Variants in METTL15 observed in about 807,000 individuals in gnomAD.
METTL15 encodes 12S rRNA N(4)-cytidine methyltransferase METTL15.
Under a neutral mutation model 38.3 loss-of-function variants are expected in METTL15, and 34 were observed. The ratio of observed to expected loss-of-function variants is 0.89; its 90% CI spans 0.68 to 1.18. The LOEUF is 1.18. Among genes scored for constraint, METTL15 ranks in the 50% most tolerant of loss-of-function variants. The pLI, the probability that METTL15 is intolerant of heterozygous loss-of-function variation, is 0.00. For synonymous variants in METTL15, 162 were observed against 170.9 expected, an observed-to-expected ratio of 0.95 and a Z score of 0.41; for missense variants, 438 against 498.4, an observed-to-expected ratio of 0.88 and a Z score of 1.15.
chr11:28,131,352 A>G (rs923394509), intron 3 of METTL15, among the ~76,000 whole-genome samples: 11 of 152,154 alleles, frequency 7.2e-5, no homozygotes, highest in Admixed American at 4.6e-4. Context: ...TCCTCGCACC[A>G]TCTCTAGCCC....
intron 4 of METTL15, among the ~76,000 whole-genome samples, chr11:28,252,413 A>T (rs1854782985): frequency 6.6e-6 from 1 of 152,046 alleles, no homozygotes; most frequent in South Asian, 2.1e-4. Flanking sequence ...CCCTTACCTT[A>T]TTTTTATTTC....
chr11:28,419,670 A>G (rs1554923231), intron 5 of METTL15, among the ~76,000 whole-genome samples: 1 of 152,154 alleles, frequency 6.6e-6, no homozygotes, highest in Non-Finnish European at 1.5e-5. Flanking sequence ...TGAACTAAAT[A>G]AGGTGTGAGA....
intron 3 of METTL15, among the ~76,000 whole-genome samples, chr11:28,181,259 A>ATTTTTTTTTTTTTTTTT (rs71449171): frequency 4.5e-5 from 6 of 133,796 alleles, no homozygotes; most frequent in Non-Finnish European, 9.5e-5. Context: ...TTAATTTTTA[A>ATTTTTTTTTTTTTTTTT]TTTTTTTTTT....
chr11:28,369,606 G>T (rs1481397849), intron 5 of METTL15, among the ~76,000 whole-genome samples: 2 of 152,118 alleles, frequency 1.3e-5, no homozygotes, highest in African/African-American at 4.8e-5. Context: ...AGATTTCTCA[G>T]CAGAAACATT....
intron 6 of METTL15, among the ~76,000 whole-genome samples, chr11:28,508,489 C>T (rs189724676): frequency 1.3e-5 from 2 of 152,264 alleles, no homozygotes; most frequent in Admixed American, 6.5e-5. Flanking sequence ...CTTATCCATC[C>T]ACCCAAAGAA....
At chr11:28,325,248 C>T (rs866627812) in intron 6 of METTL15, among the ~76,000 whole-genome samples, 7 of 152,300 alleles carry the variant, frequency 4.6e-5, no homozygotes, top group Middle Eastern at 3.4e-3. Context: ...AAGTTATATG[C>T]CTTTGCTCTG....
At chr11:28,190,613 A>C (rs1851666196) in intron 3 of METTL15, among the ~76,000 whole-genome samples, 1 of 151,278 alleles carries the variant, frequency 6.6e-6, no homozygotes, top group African/African-American at 2.4e-5. Context: ...TTCAGGCAAG[A>C]TAAAGTGACT....
chr11:28,328,024 ATTGAT>A, intron 6 of METTL15: 1 of 1,480,866 alleles, frequency 6.8e-7, no homozygotes, highest in African/African-American at 1.4e-5. Context: ...TGCAGTTCTT[ATTGAT>A]TTATGTGCTC....
At chr11:28,180,141 A>G (rs1289264201) in intron 3 of METTL15, among the ~76,000 whole-genome samples, 1 of 151,904 alleles carries the variant, frequency 6.6e-6, no homozygotes, top group Non-Finnish European at 1.5e-5. Context: ...TCTGAGTACT[A>G]TGGTAGACCA....
intron 5 of METTL15, among the ~76,000 whole-genome samples, chr11:28,420,565 A>G (rs1850810536): frequency 6.6e-6 from 1 of 152,136 alleles, no homozygotes; most frequent in Admixed American, 6.5e-5. Context: ...ATAATGAGGA[A>G]TTCTGGAAAC....
chr11:28,361,805 G>T (rs1159739797), intron 4 of METTL15: 2 of 152,142 alleles, frequency 1.3e-5, no homozygotes, highest in Admixed American at 6.6e-5. Flanking sequence ...CTGAACACAG[G>T]ACTCCTCTAA....
chr11:28,449,855 C>T (rs1851106000), intron 6 of METTL15, among the ~76,000 whole-genome samples: 1 of 152,206 alleles, frequency 6.6e-6, no homozygotes, highest in South Asian at 2.1e-4. Context: ...AGCCTTCCAG[C>T]TGTTCCTGCC....
At chr11:28,205,614 A>T (rs1193856383) in intron 3 of METTL15, among the ~76,000 whole-genome samples, 1 of 152,030 alleles carries the variant, frequency 6.6e-6, no homozygotes, top group East Asian at 1.9e-4. Context: ...TCCTTTGGGT[A>T]TATACCCAGT....
chr11:28,256,924 T>G (rs892978724), intron 4 of METTL15, among the ~76,000 whole-genome samples: 4 of 152,108 alleles, frequency 2.6e-5, no homozygotes, highest in Admixed American at 1.3e-4. Flanking sequence ...GTTTCAAGAA[T>G]TTTTCAGTTT....
chr11:28,523,731 G>A (rs371183264), intron 6 of METTL15, among the ~76,000 whole-genome samples: 379 of 152,272 alleles, frequency 2.5e-3, no homozygotes, highest in African/African-American at 8.3e-3. Flanking sequence ...ACTCTTAAAG[G>A]TTGGATAAAT....
intron 6 of METTL15, among the ~76,000 whole-genome samples, chr11:28,470,915 G>C (rs1415555287): frequency 3.9e-5 from 6 of 152,006 alleles, no homozygotes; most frequent in South Asian, 2.1e-4. Context: ...TATCTACTTT[G>C]GTTTAACCAC....
chr11:28,173,540 A>G (rs1404755193), intron 3 of METTL15, among the ~76,000 whole-genome samples: 5 of 152,228 alleles, frequency 3.3e-5, no homozygotes, highest in Admixed American at 3.3e-4. Flanking sequence ...GAGTACTAAG[A>G]CATGATATAA....
intron 3 of METTL15, among the ~76,000 whole-genome samples, chr11:28,143,471 A>C (rs540398312): frequency 6.6e-6 from 1 of 152,150 alleles, no homozygotes; most frequent in East Asian, 1.9e-4. Context: ...TTTTTCAAAA[A>C]CTACTGAAGA....
At chr11:28,480,667 T>A (rs752587058) in intron 6 of METTL15, among the ~76,000 whole-genome samples, 1 of 152,304 alleles carries the variant, frequency 6.6e-6, no homozygotes, top group East Asian at 1.9e-4. Flanking sequence ...GGGTAAGGCC[T>A]TGCAATCGTA....
Sources: allele counts gnomAD v4.1 joint callset (sites outside exome capture counted in the v4.1 genomes callset), GRCh38; gene constraint gnomAD v4.1.1; transcripts MANE v1.5; gene names NCBI Gene and HGNC (gene_info 2026-07-23, HGNC 2026-07-21).